Variants in KIAA1217 observed in about 807,000 individuals in gnomAD.
KIAA1217 encodes KIAA1217.
In KIAA1217, 88 loss-of-function variants were observed where a neutral mutation model predicts 163.9. The observed-to-expected ratio is 0.54, with a 90% confidence interval of 0.45 to 0.64. The LOEUF (loss-of-function observed/expected upper bound fraction) is 0.64. Among genes scored for constraint, KIAA1217 ranks in the 30% least tolerant of loss-of-function variants. KIAA1217 has a pLI of 0.00. For synonymous variants in KIAA1217, 903 were observed against 923.1 expected (o/e 0.98, Z 0.39); for missense variants, 2,372 against 2,475.0 (o/e 0.96, Z 0.88).
At chr10:23,810,397 ACTCT>A (rs1177325722) in intron 1 of KIAA1217, among the ~76,000 whole-genome samples, 3 of 144,588 alleles carry the variant, frequency 2.1e-5, no homozygotes, top group Middle Eastern at 4.1e-3. Flanking sequence ...ATATATATAT[ACTCT>A]CTCTATAATA....
chr10:23,855,114 G>A lies in KIAA1217; in HGVS notation c.-320-152111G>A, dbSNP rs187426694. ...GATGCAGTTTCTTCCTAGCCTCGAT[G>A]GTCTTTACAATTTGGCATGATTTCA... is the stretch of plus-strand genomic sequence containing the variant. On this transcript the variant is annotated intron_variant, in intron 1 of 18. Transcript: ENST00000376462. Among the ~76,000 whole-genome samples the A allele has an allele frequency of 1.6e-4, 25 of 152,262 alleles. No individual in the cohort carries two copies. The East Asian group carries it at 4.6e-3, about 28-fold the overall frequency.
At chr10:24,379,711 C>T (rs2053026165) in intron 2 of KIAA1217, among the ~76,000 whole-genome samples, 1 of 152,122 alleles carries the variant, frequency 6.6e-6, no homozygotes, top group Non-Finnish European at 1.5e-5. Context: ...TAGCCCAAAA[C>T]TCAAGGCAGG....
chr10:23,834,459 G>A (rs1349336926), intron 1 of KIAA1217, among the ~76,000 whole-genome samples: 2 of 152,168 alleles, frequency 1.3e-5, no homozygotes, highest in East Asian at 1.9e-4. Context: ...AGGTTTAGCT[G>A]TAAACAAAAC....
At chr10:23,941,983 G>A (rs2131336792) in intron 1 of KIAA1217, among the ~76,000 whole-genome samples, 1 of 146,044 alleles carries the variant, frequency 6.8e-6, no homozygotes, top group Admixed American at 6.8e-5. Flanking sequence ...TCAACTGCCT[G>A]CTAGAACAAA....
intron 2 of KIAA1217, among the ~76,000 whole-genome samples, chr10:24,027,410 C>T (rs1436715563): frequency 6.6e-6 from 1 of 152,068 alleles, no homozygotes; most frequent in Non-Finnish European, 1.5e-5. Context: ...GCTGTTTAAA[C>T]AAGAGGGGTA....
At chr10:23,774,941 C>T (rs1222023845) in intron 1 of KIAA1217, among the ~76,000 whole-genome samples, 1 of 152,148 alleles carries the variant, frequency 6.6e-6, no homozygotes, top group Non-Finnish European at 1.5e-5. Flanking sequence ...TCTATTCTTG[C>T]CTATACCCCA....
At chr10:24,256,896 A>G (rs1405757523) in intron 2 of KIAA1217, among the ~76,000 whole-genome samples, 1 of 152,222 alleles carries the variant, frequency 6.6e-6, no homozygotes, top group Non-Finnish European at 1.5e-5. Flanking sequence ...GGGACGCATC[A>G]TAAGGTCATA....
At chr10:24,389,231 A>T (rs1000978862) in intron 3 of KIAA1217, among the ~76,000 whole-genome samples, 8 of 152,202 alleles carry the variant, frequency 5.3e-5, no homozygotes, top group African/African-American at 1.9e-4. Context: ...ATAAAAAAGG[A>T]TGAGTTCATG....
intron 2 of KIAA1217, among the ~76,000 whole-genome samples, chr10:24,091,920 C>T (rs960091154): frequency 3.3e-5 from 5 of 151,672 alleles, no homozygotes; most frequent in African/African-American, 4.9e-5. Context: ...CTTCTGCCAT[C>T]CCCTAAAAGA....
chr10:24,446,121 C>G (rs867291485), intron 5 of KIAA1217, among the ~76,000 whole-genome samples: 1 of 152,200 alleles, frequency 6.6e-6, no homozygotes, highest in African/African-American at 2.4e-5. Flanking sequence ...TTGCATTTCT[C>G]TGATGGCCAG....
chr10:23,946,238 T>A, intron 1 of KIAA1217, among the ~76,000 whole-genome samples: 1 of 144,624 alleles, frequency 6.9e-6, no homozygotes. Context: ...AATCCATGCA[T>A]GCTGTGTGCC....
intron 3 of KIAA1217, among the ~76,000 whole-genome samples, chr10:24,419,632 T>C (rs939190735): frequency 2.6e-5 from 4 of 152,180 alleles, no homozygotes; most frequent in African/African-American, 9.7e-5. Context: ...TATAGGTTTT[T>C]GTCAGATTTT....
intron 1 of KIAA1217, among the ~76,000 whole-genome samples, chr10:23,782,770 G>A (rs571864231): frequency 2.4e-4 from 37 of 152,216 alleles, no homozygotes; most frequent in African/African-American, 8.4e-4. Flanking sequence ...ATAGGATTAT[G>A]TCATATGCAA....
intron 2 of KIAA1217, among the ~76,000 whole-genome samples, chr10:24,346,548 T>C (rs1348152265): frequency 6.6e-6 from 1 of 151,616 alleles, no homozygotes; most frequent in East Asian, 1.9e-4. Context: ...GGACATTTGG[T>C]ATTTTGGGTT....
intron 1 of KIAA1217, among the ~76,000 whole-genome samples, chr10:23,986,836 C>T (rs1159313184): frequency 6.6e-6 from 1 of 152,166 alleles, no homozygotes; most frequent in African/African-American, 2.4e-5. Flanking sequence ...CTCCTTAATT[C>T]ATTCAACAAA....
Position 24,332,058 on chromosome 10 carries a change from C to T in KIAA1217, c.355-48811C>T, listed in dbSNP as rs150804778. Among the ~76,000 whole-genome samples, 1,014 of 152,324 alleles carry T rather than the reference C, an allele frequency of 6.7e-3. 11 individuals are homozygous for T. Among genetic ancestry groups the T allele is most frequent in the African/African-American group, 0.023 (970 of 41,570 alleles). On this transcript the variant is annotated intron_variant, in intron 2 of 20. Coordinates refer to ENST00000376454, the MANE Select transcript of KIAA1217 (RefSeq NM_019590.5). ...TCAGGTGATCCACATTCCTTGGCCT[C>T]CCAAAGTGCTAGGATTACAGGTGTG...
intron 3 of KIAA1217, among the ~76,000 whole-genome samples, chr10:24,404,395 T>C (rs924315390): frequency 3.3e-5 from 5 of 152,006 alleles, no homozygotes; most frequent in East Asian, 3.9e-4. Flanking sequence ...GGTGAAACCC[T>C]GTCTCTACTA....
intron 1 of KIAA1217, among the ~76,000 whole-genome samples, chr10:23,765,813 C>T (rs560548527): frequency 3.3e-5 from 5 of 152,208 alleles, no homozygotes; most frequent in African/African-American, 4.8e-5. Flanking sequence ...TGAGTCTGTT[C>T]GATCTCTTTT....
upstream of KIAA1217, among the ~76,000 whole-genome samples, chr10:24,204,270 G>T (rs984996332): frequency 6.6e-6 from 1 of 152,104 alleles, no homozygotes; most frequent in African/African-American, 2.4e-5. Context: ...TTTAAGTAAG[G>T]GAAGATTGGT....
Sources: gnomAD v4.1 joint callset for allele counts (sites outside exome capture counted in the v4.1 genomes callset) on GRCh38, gnomAD v4.1.1 for gene constraint, MANE v1.5 for transcripts, NCBI Gene and HGNC (gene_info 2026-07-23, HGNC 2026-07-21) for gene names.